The following FOXP1 variants were observed in gnomAD, a reference collection of about 807,000 sequenced individuals.
The protein encoded by FOXP1 is forkhead box protein P1.
Under a neutral mutation model 98.2 loss-of-function variants are expected in FOXP1, and 15 were observed. The observed-to-expected ratio is 0.15, with a 90% confidence interval of 0.10 to 0.24. The LOEUF (loss-of-function observed/expected upper bound fraction) is 0.24, where lower values mean the gene tolerates loss of function less well. Among genes scored for constraint, FOXP1 ranks in the 10% least tolerant of loss-of-function variants. The probability of loss-of-function intolerance (pLI) is 1.00; values close to 1 mark genes in which losing one functional copy is unlikely to be tolerated. For synonymous variants in FOXP1, 371 were observed against 314.5 expected (o/e 1.18, Z -1.90); for missense variants, 633 against 848.5 (o/e 0.75, Z 3.15).
intron 9 of FOXP1, among the ~76,000 whole-genome samples, chr3:71,047,898 T>G (rs918467230): frequency 6.6e-6 from 1 of 152,190 alleles, no homozygotes; most frequent in Admixed American, 6.5e-5. Context: ...AAACTTTTGT[T>G]GTGTAAAACA....
intron 5 of FOXP1, among the ~76,000 whole-genome samples, chr3:71,271,534 T>C (rs2070350504): frequency 1.3e-5 from 2 of 152,148 alleles, no homozygotes; most frequent in African/African-American, 2.4e-5. Flanking sequence ...CAAACACCTA[T>C]TCATCCACTC....
chr3:71,411,284 T>C (rs2082713361), intron 3 of FOXP1, among the ~76,000 whole-genome samples: 1 of 89,578 alleles, frequency 1.1e-5, no homozygotes, highest in Non-Finnish European at 2.4e-5. Context: ...TGGGCGTGTG[T>C]GTGTGTGTGT....
intron 11 of FOXP1, among the ~76,000 whole-genome samples, chr3:71,028,397 A>C (rs1674878262): frequency 6.6e-6 from 1 of 152,208 alleles, no homozygotes; most frequent in Non-Finnish European, 1.5e-5. Flanking sequence ...TGGGGGCCCC[A>C]CCCCAATTTA....
At chr3:70,987,250 G>A (rs1299682318) in intron 14 of FOXP1, among the ~76,000 whole-genome samples, 4 of 152,144 alleles carry the variant, frequency 2.6e-5, no homozygotes, top group Admixed American at 6.5e-5. Flanking sequence ...TAAAGAGATC[G>A]ATTTATTACA....
intron 2 of FOXP1, among the ~76,000 whole-genome samples, chr3:71,522,441 AGGCT>A (rs1157220946): frequency 6.6e-6 from 1 of 152,214 alleles, no homozygotes; most frequent in African/African-American, 2.4e-5. Flanking sequence ...GAAGGAAAAC[AGGCT>A]CTGGATTCAG....
chr3:71,444,529 C>T (rs759043011), intron 3 of FOXP1, among the ~76,000 whole-genome samples: 2 of 152,108 alleles, frequency 1.3e-5, no homozygotes, highest in Non-Finnish European at 2.9e-5. Flanking sequence ...GCTCCAATCG[C>T]CTTTCAAGTC....
At chr3:71,520,102 T>C (rs2042871190) in intron 2 of FOXP1, among the ~76,000 whole-genome samples, 1 of 152,208 alleles carries the variant, frequency 6.6e-6, no homozygotes, top group Non-Finnish European at 1.5e-5. Context: ...ACACATACCA[T>C]TCCCTATTAA....
intron 3 of FOXP1, among the ~76,000 whole-genome samples, chr3:71,443,277 T>G (rs2086114727): frequency 6.6e-6 from 1 of 152,254 alleles, no homozygotes; most frequent in Admixed American, 6.5e-5. Flanking sequence ...ATATTTGGTG[T>G]CATGATAAAA....
In FOXP1 at chr3:71,296,446, C is replaced by T. The variant is rs1010464360; in HGVS notation, c.-12+3374G>A. On this transcript the variant is annotated intron_variant, in intron 5 of 20. Transcript: ENST00000649528. ...TTTCCAACAAACCTTTTATTTCTTT[C>T]TAGATAAGAGATCAAGATATATACA... The T allele has an allele frequency of 4.6e-4, 70 of 152,096 alleles. 1 individual carries two copies. The highest frequency in any genetic ancestry group is 1.5e-5 in the Non-Finnish European group (1 of 68,016). The allele number at this position is 152,096 out of a possible 1,614,324, so 9.4% of individuals were successfully genotyped here. A position where few individuals can be genotyped will look rare whatever the true frequency, so the allele number is the denominator to read the frequency against.
intron 12 of FOXP1, among the ~76,000 whole-genome samples, chr3:71,011,880 T>C (rs1399636251): frequency 2.0e-5 from 3 of 152,320 alleles, no homozygotes; most frequent in East Asian, 1.9e-4. Context: ...GGCTCTTTTA[T>C]AGGAATTGAG....
chr3:71,499,958 G>A (rs79124150), intron 2 of FOXP1, among the ~76,000 whole-genome samples: 9 of 152,174 alleles, frequency 5.9e-5, no homozygotes, highest in East Asian at 3.9e-4. Flanking sequence ...TAACTCAAAC[G>A]TGCCCTAAAT....
chr3:71,109,952 G>C (rs2057777550), intron 7 of FOXP1, among the ~76,000 whole-genome samples: 1 of 152,110 alleles, frequency 6.6e-6, no homozygotes, highest in Non-Finnish European at 1.5e-5. Flanking sequence ...TTGGGGGGTA[G>C]GGGAAAAACT....
intron 5 of FOXP1, among the ~76,000 whole-genome samples, chr3:71,232,399 C>G (rs2066362373): frequency 6.6e-6 from 1 of 152,160 alleles, no homozygotes; most frequent in Non-Finnish European, 1.5e-5. Context: ...AGAGGAGAAG[C>G]AGCACTAATA....
chr3:71,318,416 G>A (rs1192635026), intron 4 of FOXP1, among the ~76,000 whole-genome samples: 2 of 152,056 alleles, frequency 1.3e-5, no homozygotes, highest in Non-Finnish European at 2.9e-5. Context: ...AAATTACTTT[G>A]GTGGACCTTG....
At chr3:71,241,004 T>A (rs2067230310) in intron 5 of FOXP1, among the ~76,000 whole-genome samples, 1 of 149,864 alleles carries the variant, frequency 6.7e-6, no homozygotes, top group African/African-American at 2.5e-5. Flanking sequence ...AGGTCAGGAG[T>A]TCGAGACCAG....
intron 6 of FOXP1, among the ~76,000 whole-genome samples, chr3:71,193,820 G>A (rs1194461808): frequency 2.0e-5 from 3 of 152,110 alleles, no homozygotes; most frequent in East Asian, 1.9e-4. Flanking sequence ...AGCTTCTTGC[G>A]TTCTGGGAAA....
intron 4 of FOXP1, among the ~76,000 whole-genome samples, chr3:71,318,521 C>T (rs1045269220): frequency 2.0e-5 from 3 of 152,238 alleles, no homozygotes; most frequent in African/African-American, 7.2e-5. Flanking sequence ...ACACTTAACA[C>T]TTGAGTTAGA....
At chr3:71,572,795 G>A (rs2047436904) in intron 2 of FOXP1, 1 of 152,144 alleles carries the variant, frequency 6.6e-6, no homozygotes, top group African/African-American at 2.4e-5. Flanking sequence ...AGGTACATGG[G>A]TGCTCACTGA....
chr3:71,213,855 T>C (rs2064702625), intron 5 of FOXP1, among the ~76,000 whole-genome samples: 1 of 152,128 alleles, frequency 6.6e-6, no homozygotes, highest in Admixed American at 6.5e-5. Context: ...CATACATATG[T>C]ATATATTCAA....
Sources: allele counts gnomAD v4.1 joint callset (sites outside exome capture counted in the v4.1 genomes callset), GRCh38; gene constraint gnomAD v4.1.1; transcripts MANE v1.5; gene names NCBI Gene and HGNC (gene_info 2026-07-23, HGNC 2026-07-21).